The following SLC26A7 variants were observed in gnomAD, a reference collection of about 807,000 sequenced individuals.
SLC26A7 encodes the protein anion exchange transporter.
Under a neutral mutation model 82.5 loss-of-function variants are expected in SLC26A7, and 59 were observed. That is an observed-to-expected ratio of 0.72 (90% confidence interval 0.58 to 0.89). The LOEUF is 0.89. Among genes scored for constraint, SLC26A7 ranks in the 40% least tolerant of loss-of-function variants. The probability of loss-of-function intolerance (pLI) is 0.00; values close to 1 mark genes in which losing one functional copy is unlikely to be tolerated. For synonymous variants in SLC26A7, 271 were observed against 274.3 expected (o/e 0.99, Z 0.12); for missense variants, 820 against 793.0 (o/e 1.03, Z -0.41).
intron 2 of SLC26A7, among the ~76,000 whole-genome samples, chr8:91,236,483 A>C (rs1299348487): frequency 6.6e-6 from 1 of 152,200 alleles, no homozygotes; most frequent in African/African-American, 2.4e-5. Context: ...ATGAGACAAA[A>C]TGAGATGAGC....
At chr8:91,381,274 G>T (rs1401326151) in intron 15 of SLC26A7, among the ~76,000 whole-genome samples, 1 of 151,654 alleles carries the variant, frequency 6.6e-6, no homozygotes, top group Non-Finnish European at 1.5e-5. Flanking sequence ...TTTTGTAAGA[G>T]GATAAAATAC....
chr8:91,283,116 C>T (rs1001473938), intron 2 of SLC26A7, among the ~76,000 whole-genome samples: 6 of 152,102 alleles, frequency 3.9e-5, no homozygotes, highest in Admixed American at 6.6e-5. Context: ...AAGGAAAACT[C>T]GACTTTTAGA....
intron 6 of SLC26A7, 104 bp downstream of exon 6, chr8:91,334,551 T>A (rs1027801473): frequency 1.0e-6 from 1 of 981,032 alleles, no homozygotes; most frequent in Non-Finnish European, 1.4e-6. Flanking sequence ...CCTCAGCTAC[T>A]CCTGTCTCTC....
At chr8:91,387,497 A>T (rs997568568) in intron 15 of SLC26A7, among the ~76,000 whole-genome samples, 8 of 152,162 alleles carry the variant, frequency 5.3e-5, no homozygotes, top group Admixed American at 5.2e-4. Flanking sequence ...AGTACCTGGC[A>T]TATAGTTGGT....
intron 15 of SLC26A7, among the ~76,000 whole-genome samples, chr8:91,374,434 C>A (rs907176866): frequency 6.6e-6 from 1 of 151,282 alleles, no homozygotes. Flanking sequence ...TATCTCTATA[C>A]TGATTTGTTT....
intron 1 of SLC26A7, among the ~76,000 whole-genome samples, chr8:91,214,540 T>C (rs906056203): frequency 2.0e-5 from 3 of 152,152 alleles, no homozygotes; most frequent in African/African-American, 7.2e-5. Context: ...TATAATTTAG[T>C]GAACTTAGAT....
At chr8:91,264,117 G>A (rs1811045202) in intron 2 of SLC26A7, among the ~76,000 whole-genome samples, 1 of 152,084 alleles carries the variant, frequency 6.6e-6, no homozygotes, top group Non-Finnish European at 1.5e-5. Context: ...AGGACAGCTA[G>A]TTAGTGCCAG....
intron 2 of SLC26A7, among the ~76,000 whole-genome samples, chr8:91,225,015 C>A (rs1446267186): frequency 6.6e-6 from 1 of 152,214 alleles, no homozygotes; most frequent in East Asian, 1.9e-4. Context: ...TGGGACCAAG[C>A]CATCCAGCCT....
Position 91,258,273 on chromosome 8 carries a change from A to T in SLC26A7, c.193+8429A>T, listed in dbSNP as rs191485099. On this transcript the variant is annotated intron_variant, in intron 2 of 18. Transcript: ENST00000276609. ...TAACTCTTCCTTCCTAGCTCTAGAG[A>T]TAAATCGCCAGCTGCCTATTGGGCA... Among the ~76,000 whole-genome samples the T allele has an allele frequency of 2.6e-5, 4 of 152,216 alleles. No individual in the cohort carries two copies. The East Asian group carries it at 7.7e-4, about 29-fold the overall frequency.
chr8:91,366,465 TA>T, intron 13 of SLC26A7, 114 bp from the exon 14 acceptor site: 2 of 1,127,820 alleles, frequency 1.8e-6, no homozygotes, highest in Non-Finnish European at 2.5e-6. Flanking sequence ...TACATTTTAG[TA>T]ATAAAAATGT....
intron 2 of SLC26A7, among the ~76,000 whole-genome samples, chr8:91,219,502 G>C (rs780170287): frequency 2.6e-5 from 4 of 152,044 alleles, no homozygotes; most frequent in African/African-American, 4.8e-5. Context: ...ATATCACTTT[G>C]TGACTGTTTT....
At chr8:91,271,374 C>T (rs541773873) in intron 2 of SLC26A7, among the ~76,000 whole-genome samples, 1 of 152,262 alleles carries the variant, frequency 6.6e-6, no homozygotes, top group South Asian at 2.1e-4. Flanking sequence ...GTGGCTAGAG[C>T]AGTGCTGGAA....
At chr8:91,310,072 A>G (rs1298945616) in intron 4 of SLC26A7, among the ~76,000 whole-genome samples, 1 of 151,876 alleles carries the variant, frequency 6.6e-6, no homozygotes, top group Non-Finnish European at 1.5e-5. Context: ...CTGTTGGGAG[A>G]CTTCCTTTCC....
At chr8:91,330,840 C>A (rs1483065913) in intron 5 of SLC26A7, among the ~76,000 whole-genome samples, 1 of 152,094 alleles carries the variant, frequency 6.6e-6, no homozygotes, top group African/African-American at 2.4e-5. Context: ...TTTATTTCAT[C>A]AAAAGTAATA....
chr8:91,289,379 T>C, intron 3 of SLC26A7, 133 bp downstream of exon 3: 1 of 686,850 alleles, frequency 1.5e-6, no homozygotes, highest in East Asian at 2.6e-5. Flanking sequence ...AGATATTTAC[T>C]CTCCATGCAT....
At chr8:91,349,929 A>G (rs534799168) in intron 9 of SLC26A7, among the ~76,000 whole-genome samples, 1 of 152,248 alleles carries the variant, frequency 6.6e-6, no homozygotes, top group South Asian at 2.1e-4. Flanking sequence ...ACCTCGTTGC[A>G]GTATAGTAGA....
intron 2 of SLC26A7, among the ~76,000 whole-genome samples, chr8:91,229,567 C>T (rs745612099): frequency 5.9e-5 from 9 of 152,210 alleles, no homozygotes; most frequent in South Asian, 4.1e-4. Context: ...TGCATTTTGA[C>T]GTAAGTTGTA....
intron 4 of SLC26A7, among the ~76,000 whole-genome samples, chr8:91,305,288 T>G (rs934603813): frequency 6.6e-6 from 1 of 152,216 alleles, no homozygotes. Flanking sequence ...TCTGTTTAAA[T>G]TGTAAAACAG....
Position 91,279,460 on chromosome 8 carries a change from T to C in SLC26A7, c.194-9676T>C, listed in dbSNP as rs913356721. On this transcript the variant is annotated intron_variant, in intron 2 of 18. Coordinates refer to ENST00000276609, the MANE Select transcript of SLC26A7 (RefSeq NM_052832.4). ...TTCTTCATATCCTCATCAACACTTATCTTTTGTCTTTTTGGTAATAGTCAT... is the reference window on the plus strand; with the variant it reads ...TTCTTCATATCCTCATCAACACTTACCTTTTGTCTTTTTGGTAATAGTCAT... Among the ~76,000 whole-genome samples the C allele has an allele frequency of 3.3e-5, 5 of 152,142 alleles. No homozygotes were observed. In the East Asian group the frequency reaches 5.8e-4, roughly 18 times the overall value.
Sources: gnomAD v4.1 joint callset for allele counts (sites outside exome capture counted in the v4.1 genomes callset) on GRCh38, gnomAD v4.1.1 for gene constraint, MANE v1.5 for transcripts, NCBI Gene and HGNC (gene_info 2026-07-23, HGNC 2026-07-21) for gene names.